The following CDH13 variants were observed in gnomAD, a reference collection of about 807,000 sequenced individuals.
CDH13 encodes cadherin-13.
A neutral mutation model predicts 63.8 loss-of-function variants in CDH13; 24 were observed. The observed-to-expected ratio is 0.38, with a 90% CI of 0.27 to 0.53. The LOEUF (loss-of-function observed/expected upper bound fraction) is 0.53, where lower values mean the gene tolerates loss of function less well. Among genes scored for constraint, CDH13 ranks in the 20% least tolerant of loss-of-function variants. CDH13 has a pLI of 0.85. For synonymous variants in CDH13, 503 were observed against 355.3 expected (o/e 1.42, Z -4.67); for missense variants, 1,049 against 903.1 (o/e 1.16, Z -2.07).
intron 10 of CDH13, among the ~76,000 whole-genome samples, chr16:83,735,102 A>G (rs1043747927): frequency 6.6e-6 from 1 of 152,212 alleles, no homozygotes; most frequent in Admixed American, 6.5e-5. Context: ...TTTAACCCCA[A>G]TAATAGGCTA....
chr16:83,036,265 T>C (rs1275260985), intron 3 of CDH13, among the ~76,000 whole-genome samples: 2 of 150,034 alleles, frequency 1.3e-5, no homozygotes, highest in Non-Finnish European at 3.0e-5. Context: ...TTCTCCTGCC[T>C]CAGCCTTCTG....
Position 82,660,226 on chromosome 16 carries a change from G to T in CDH13, c.45+33089G>T, listed in dbSNP as rs559894481. The stretch of plus-strand genomic sequence containing the variant: ...GAATCTCAACAAATTGAGTATCTTG[G>T]TTTGTGTAAGATTAGGAACCTGGAG... On this transcript the variant is annotated intron_variant, in intron 1 of 13. Transcript: ENST00000567109. Among the ~76,000 whole-genome samples the T allele has an allele frequency of 3.3e-5, 5 of 152,274 alleles. No homozygotes were observed. In the East Asian group the frequency reaches 9.7e-4, roughly 29 times the overall value.
chr16:83,107,865 G>A (rs1272150717), intron 3 of CDH13, among the ~76,000 whole-genome samples: 1 of 151,718 alleles, frequency 6.6e-6, no homozygotes, highest in African/African-American at 2.4e-5. Flanking sequence ...TGTTGCCCAG[G>A]CTGGAGTGCA....
intron 13 of CDH13, among the ~76,000 whole-genome samples, chr16:83,786,486 CAGAT>C (rs761789565): frequency 6.6e-6 from 1 of 152,166 alleles, no homozygotes; most frequent in Non-Finnish European, 1.5e-5. Flanking sequence ...CATGGACAGA[CAGAT>C]GGATAAATGA....
rs147067658 is a variant in CDH13, at chr16:82,867,729, G to A, written c.157+9256G>A. ...TGAAAAAGCATGTGAGAGGTGTTTTGCATCCTAAGGGAGGAAATACACTGT... is the reference window on the plus strand; with the variant it reads ...TGAAAAAGCATGTGAGAGGTGTTTTACATCCTAAGGGAGGAAATACACTGT... On this transcript the variant is annotated intron_variant, in intron 2 of 13. Coordinates refer to ENST00000567109, the MANE Select transcript of CDH13 (RefSeq NM_001257.5). Among the ~76,000 whole-genome samples the A allele has an allele frequency of 4.0e-3, 605 of 152,306 alleles. 2 individuals are homozygous for A. The highest frequency in any genetic ancestry group is 0.014 in the African/African-American group (569 of 41,560).
chr16:83,043,073 A>G (rs1048594938), intron 3 of CDH13, among the ~76,000 whole-genome samples: 33 of 152,214 alleles, frequency 2.2e-4, no homozygotes, highest in Admixed American at 1.7e-3. Context: ...GGATCCAAGA[A>G]TTGGGCCTAG....
rs181684151 is a variant in CDH13, at chr16:83,398,391, G to A, written c.781+53385G>A. On this transcript the variant is annotated intron_variant, in intron 6 of 13. Transcript: ENST00000567109. ...TTTTCATCTCTGCCTTTGTTTTTAC[G>A]TGGCCTCCTCCTCTTCTCTTTCTCA... is the stretch of plus-strand genomic sequence containing the variant. Among the ~76,000 whole-genome samples the A allele has an allele frequency of 2.4e-4, 36 of 152,082 alleles. 1 individual carries two copies. The highest frequency in any genetic ancestry group is 5.8e-4 in the East Asian group (3 of 5,158).
rs1174679297 is a variant in CDH13, at chr16:83,773,473, C to G, written c.1682-6495C>G. Reference sequence around the variant, plus strand: ...CACATGGTGTCAGGAGAGAGAAGTGCTAGCAGGTTAAATGCCAGACACTTA... The same window carrying G: ...CACATGGTGTCAGGAGAGAGAAGTGGTAGCAGGTTAAATGCCAGACACTTA... On this transcript the variant is annotated intron_variant, in intron 11 of 13. Transcript: ENST00000567109. Among the ~76,000 whole-genome samples the G allele has an allele frequency of 2.6e-5, 4 of 152,106 alleles. No homozygotes were observed. In the East Asian group the frequency reaches 7.7e-4, roughly 29 times the overall value.
intron 5 of CDH13, among the ~76,000 whole-genome samples, chr16:83,302,991 A>T (rs1597703740): frequency 6.6e-6 from 1 of 152,216 alleles, no homozygotes; most frequent in South Asian, 2.1e-4. Flanking sequence ...TCTCTGATCT[A>T]TCATGGCTGC....
chr16:82,955,673 A>G (rs913142354), intron 2 of CDH13, among the ~76,000 whole-genome samples: 3 of 152,210 alleles, frequency 2.0e-5, no homozygotes, highest in East Asian at 1.9e-4. Context: ...AACAGATACA[A>G]TTGTGTTAGA....
chr16:83,110,030 C>A (rs767765209), intron 3 of CDH13, among the ~76,000 whole-genome samples: 1 of 152,144 alleles, frequency 6.6e-6, no homozygotes, highest in Non-Finnish European at 1.5e-5. Context: ...TTTTAACTAG[C>A]GGTTCAAACG....
At chr16:82,761,675 G>C (rs750183924) in intron 1 of CDH13, among the ~76,000 whole-genome samples, 1 of 152,158 alleles carries the variant, frequency 6.6e-6, no homozygotes, top group Non-Finnish European at 1.5e-5. Flanking sequence ...TTTTTCACTT[G>C]TTTCATATCT....
intron 6 of CDH13, among the ~76,000 whole-genome samples, chr16:83,436,818 C>G (rs2072319864): frequency 6.6e-6 from 1 of 152,158 alleles, no homozygotes; most frequent in Admixed American, 6.5e-5. Flanking sequence ...GACCACAGCT[C>G]AGTTGTGACA....
At chr16:83,218,069 T>C (rs531834751) in intron 5 of CDH13, among the ~76,000 whole-genome samples, 2 of 152,320 alleles carry the variant, frequency 1.3e-5, no homozygotes, top group East Asian at 3.9e-4. Context: ...TATTTGCACA[T>C]ATCATGAGGT....
At chr16:82,824,827 A>T (rs1204890462) in intron 1 of CDH13, 1 of 152,230 alleles carries the variant, frequency 6.6e-6, no homozygotes, top group Non-Finnish European at 1.5e-5. Context: ...CTGCAAAAAA[A>T]TTTGTTAGAA....
intron 13 of CDH13, chr16:83,789,887 G>A (rs1278959351): frequency 6.6e-6 from 1 of 150,904 alleles, no homozygotes; most frequent in African/African-American, 2.4e-5. Context: ...TGCAGTGGCA[G>A]AGCTCAGTAG....
intron 5 of CDH13, among the ~76,000 whole-genome samples, chr16:83,264,371 C>G (rs1035377410): frequency 6.6e-6 from 1 of 152,004 alleles, no homozygotes; most frequent in African/African-American, 2.4e-5. Flanking sequence ...TTGGTTTGGC[C>G]AATCGCTTTT....
chr16:82,779,646 C>G lies in CDH13; in HGVS notation c.46-78716C>G, dbSNP rs184660737. 2.6e-3 allele frequency among the ~76,000 whole-genome samples: 396 copies of G among 152,242 alleles called. 4 individuals are homozygous for G. The highest frequency in any genetic ancestry group is 9.1e-3 in the African/African-American group (379 of 41,532). ...ACAAACCTCATAATTTACCTGTAAC[C>G]GACAGCTCTCCTTGGATAGTTTATC... is the stretch of plus-strand genomic sequence containing the variant. On this transcript the variant is annotated intron_variant, in intron 1 of 13. Coordinates refer to ENST00000567109, the MANE Select transcript of CDH13 (RefSeq NM_001257.5).
intron 1 of CDH13, among the ~76,000 whole-genome samples, chr16:82,844,934 C>A (rs529285416): frequency 4.6e-5 from 7 of 151,912 alleles, no homozygotes. Context: ...GGATTACAGG[C>A]GTGAGGCACC....
Sources: allele counts gnomAD v4.1 joint callset (sites outside exome capture counted in the v4.1 genomes callset), GRCh38; gene constraint gnomAD v4.1.1; transcripts MANE v1.5; gene names NCBI Gene and HGNC (gene_info 2026-07-23, HGNC 2026-07-21).